SFRP1: variants seen among roughly 807,000 people sequenced by gnomAD.
SFRP1 encodes the protein secreted frizzled related protein 1, also known as secreted frizzled-related protein 1.
In SFRP1, 9 loss-of-function variants were observed where a neutral mutation model predicts 25.9. The ratio of observed to expected loss-of-function variants is 0.35; its 90% CI spans 0.21 to 0.61. The LOEUF is 0.61. SFRP1 is among the 20% of genes least tolerant of loss of function. SFRP1 has a pLI of 0.78. For synonymous variants in SFRP1, 178 were observed against 174.0 expected (o/e 1.02, Z -0.18); for missense variants, 346 against 418.2 (o/e 0.83, Z 1.51).
At chr8:41,272,401 C>T (rs1463279817) in intron 2 of SFRP1, among the ~76,000 whole-genome samples, 2 of 152,154 alleles carry the variant, frequency 1.3e-5, no homozygotes, top group African/African-American at 4.8e-5. Context: ...GGCCAAGAGT[C>T]CAAGACCCGA....
intron 2 of SFRP1, among the ~76,000 whole-genome samples, chr8:41,283,854 C>T (rs1327353992): frequency 1.3e-5 from 2 of 152,138 alleles, no homozygotes; most frequent in African/African-American, 4.8e-5. Flanking sequence ...TGAGCCACCA[C>T]GCCCGGCCAA....
At chr8:41,301,002 T>G (rs1437486591) in intron 2 of SFRP1, among the ~76,000 whole-genome samples, 2 of 151,848 alleles carry the variant, frequency 1.3e-5, no homozygotes, top group Non-Finnish European at 2.9e-5. Context: ...GAGACATGAG[T>G]GACTAAGCAG....
chr8:41,294,088 C>T (rs954408110), intron 2 of SFRP1, among the ~76,000 whole-genome samples: 1 of 152,170 alleles, frequency 6.6e-6, no homozygotes, highest in South Asian at 2.1e-4. Flanking sequence ...CCATATGGGG[C>T]TGAGACCAAA....
In SFRP1 at chr8:41,265,494, A is replaced by C. The variant is rs766249011; in HGVS notation, c.623-5T>G. On this transcript the variant is annotated splice_region_variant and splice_polypyrimidine_tract_variant and intron_variant, in intron 2 of 2. Coordinates refer to ENST00000220772, the MANE Select transcript of SFRP1 (RefSeq NM_003012.5). ...CTTTTATTTTCATCCTCAGTGCTAG[A>C]GATGGAGAGGACAGAAGAAGAGAAA... The C allele has an allele frequency of 6.9e-6, 11 of 1,596,916 alleles. No individual in the cohort carries two copies. In the Admixed American group the frequency reaches 2.0e-4, roughly 28 times the overall value.
intron 1 of SFRP1, 117 bp from the exon 2 acceptor site, chr8:41,303,655 C>A: frequency 1.4e-6 from 1 of 730,672 alleles, no homozygotes; most frequent in South Asian, 1.6e-5. Flanking sequence ...TCTTCTGGAA[C>A]TTCTGAAGGG....
At chr8:41,295,744 A>AT (rs375196464) in intron 2 of SFRP1, among the ~76,000 whole-genome samples, 34,566 of 144,872 alleles carry the variant, frequency 0.24, 4,252 homozygotes, top group Middle Eastern at 0.33. Context: ...TATCTGCAGC[A>AT]TTTTTTTTTT....
At chr8:41,269,524 C>T (rs892745358) in intron 2 of SFRP1, among the ~76,000 whole-genome samples, 4 of 152,188 alleles carry the variant, frequency 2.6e-5, no homozygotes, top group African/African-American at 9.7e-5. Flanking sequence ...TCCTTGGTAG[C>T]CTCCCTCAAG....
Position 41,265,112 on chromosome 8 carries a change from T to TGCCCCCCCCCCCCCCCCCCCC in SFRP1, c.*54_*55insGGGGGGGGGGGGGGGGGGGGC. ...GACCCACCGGGTTCCCGGGGCACTG[T>TGCCCCCCCCCCCCCCCCCCCC]CCCCCCCGCTCCCACCCCACCCGAG... On this transcript the variant is annotated 3_prime_UTR_variant, in exon 3 of 3. Coordinates refer to ENST00000220772, the MANE Select transcript of SFRP1 (RefSeq NM_003012.5). 1 of 517,774 alleles carries TGCCCCCCCCCCCCCCCCCCCC rather than the reference T, an allele frequency of 1.9e-6. No homozygotes were observed. 32.1% of individuals were successfully genotyped at this position (517,774 alleles called of 1,614,324 possible).
At chr8:41,273,549 A>G (rs1435917430) in intron 2 of SFRP1, among the ~76,000 whole-genome samples, 5 of 152,192 alleles carry the variant, frequency 3.3e-5, no homozygotes, top group African/African-American at 1.2e-4. Context: ...ATGGGTTACA[A>G]TGTGATGTTT....
intron 2 of SFRP1, among the ~76,000 whole-genome samples, chr8:41,272,712 A>G (rs939914207): frequency 1.3e-5 from 2 of 152,256 alleles, no homozygotes; most frequent in African/African-American, 4.8e-5. Context: ...AACAGAGGAA[A>G]GAAAAAGAGA....
chr8:41,302,067 C>T (rs750906909), intron 2 of SFRP1, among the ~76,000 whole-genome samples: 1 of 152,184 alleles, frequency 6.6e-6, no homozygotes, highest in East Asian at 1.9e-4. Flanking sequence ...TCATGTATTA[C>T]ATTTATTTAG....
Position 41,288,530 on chromosome 8 carries a change from C to CAAA in SFRP1, c.622+14928_622+14930dup, listed in dbSNP as rs397893046. 2.3e-4 allele frequency among the ~76,000 whole-genome samples: 9 copies of CAAA among 39,110 alleles called. 1 individual carries two copies. The highest frequency in any genetic ancestry group is 8.7e-4 in the Admixed American group (2 of 2,296). 25.7% of individuals were successfully genotyped at this position (39,110 alleles called of 152,430 possible). A position where few individuals can be genotyped will look rare whatever the true frequency, so the allele number is the denominator to read the frequency against. On this transcript the variant is annotated intron_variant, in intron 2 of 2. Coordinates refer to ENST00000220772, the MANE Select transcript of SFRP1 (RefSeq NM_003012.5). The stretch of plus-strand genomic sequence containing the variant: ...CCAGCCTGGGCAAAGAGACCCTGTC[C>CAAA]AAAAAAAAAAAAAAAAAAAAAAAAA...
At chr8:41,301,371 A>C (rs1186406092) in intron 2 of SFRP1, among the ~76,000 whole-genome samples, 1 of 152,146 alleles carries the variant, frequency 6.6e-6, no homozygotes, top group East Asian at 1.9e-4. Context: ...TGAGCTAGGA[A>C]ACACGTTTCT....
intron 2 of SFRP1, among the ~76,000 whole-genome samples, chr8:41,272,696 A>G (rs1295175621): frequency 6.6e-6 from 1 of 152,226 alleles, no homozygotes. Flanking sequence ...TGACAAACAG[A>G]TGGGAAACAG....
At chr8:41,301,383 G>A (rs1031637931) in intron 2 of SFRP1, among the ~76,000 whole-genome samples, 5 of 151,992 alleles carry the variant, frequency 3.3e-5, no homozygotes, top group African/African-American at 9.7e-5. Flanking sequence ...CACGTTTCTC[G>A]ACAAGGCTGC....
At chr8:41,306,831 A>T in intron 1 of SFRP1, 1 of 1,598,146 alleles carries the variant, frequency 6.3e-7, no homozygotes, top group Non-Finnish European at 8.5e-7. Flanking sequence ...TCCGGAAGAC[A>T]GCGATTATGG....
intron 2 of SFRP1, among the ~76,000 whole-genome samples, chr8:41,277,175 T>G (rs1175813132): frequency 6.6e-6 from 1 of 152,096 alleles, no homozygotes; most frequent in East Asian, 1.9e-4. Flanking sequence ...CTGTGGCCCC[T>G]CCCCTTCCCA....
intron 2 of SFRP1, among the ~76,000 whole-genome samples, chr8:41,280,892 T>C (rs552523325): frequency 2.3e-4 from 35 of 152,324 alleles, no homozygotes; most frequent in Admixed American, 2.1e-3. Context: ...GTTCCTAGCA[T>C]GCAGAAGGCA....
chr8:41,265,418 G>C lies in SFRP1; in HGVS notation c.694C>G (p.Pro232Ala), dbSNP rs749833439. ...DKKIVPKKKK[P>A]LKLGPIKKKD... ...TTCTTGATGGGCCCCAACTTCAGGG[G>C]CTTCTTCTTCTTGGGGACAATCTTC... The change falls in exon 3 of 3, where the codon CCC (proline) becomes GCC (alanine). Residue 232 changes from proline to alanine, a missense_variant. Coordinates refer to ENST00000220772, the MANE Select transcript of SFRP1 (RefSeq NM_003012.5). 1.1e-5 allele frequency: 18 copies of C among 1,612,224 alleles called. No homozygotes were observed. The African/African-American group carries it at 1.7e-4, about 16-fold the overall frequency.
Sources: gnomAD v4.1 joint callset for allele counts (sites outside exome capture counted in the v4.1 genomes callset) on GRCh38, gnomAD v4.1.1 for gene constraint, MANE v1.5 for transcripts, NCBI Gene and HGNC (gene_info 2026-07-23, HGNC 2026-07-21) for gene names.